Variants in ARHGAP32 observed in about 807,000 individuals in gnomAD.
ARHGAP32 encodes the protein rho GTPase-activating protein 32.
In ARHGAP32, 51 loss-of-function variants were observed where a neutral mutation model predicts 186.5. That is an observed-to-expected ratio of 0.27 (90% CI 0.22 to 0.35). The LOEUF (loss-of-function observed/expected upper bound fraction) is 0.35. ARHGAP32 is among the 10% of genes least tolerant of loss of function. The pLI is 1.00. For synonymous variants in ARHGAP32, 950 were observed against 964.3 expected (o/e 0.99, Z 0.27); for missense variants, 2,186 against 2,623.5 (o/e 0.83, Z 3.64).
intron 11 of ARHGAP32, among the ~76,000 whole-genome samples, chr11:129,038,032 C>T (rs1459811536): frequency 2.6e-5 from 4 of 151,600 alleles, no homozygotes; most frequent in African/African-American, 4.9e-5. Flanking sequence ...ACTCAGGAGG[C>T]GGAGGTTGCA....
At chr11:129,072,318 G>C (rs1436738021) in intron 6 of ARHGAP32, among the ~76,000 whole-genome samples, 1 of 152,068 alleles carries the variant, frequency 6.6e-6, no homozygotes, top group Non-Finnish European at 1.5e-5. Context: ...GTGTTACCAA[G>C]TACCACATGG....
chr11:128,994,049 A>G (rs1446740233), intron 12 of ARHGAP32, among the ~76,000 whole-genome samples: 1 of 152,216 alleles, frequency 6.6e-6, no homozygotes, highest in Non-Finnish European at 1.5e-5. Flanking sequence ...TATCATCCTT[A>G]TGAAGAATGG....
At chr11:129,208,840 G>C (rs570457403) in intron 1 of ARHGAP32, among the ~76,000 whole-genome samples, 101 of 152,064 alleles carry the variant, frequency 6.6e-4, no homozygotes, top group Non-Finnish European at 1.4e-3. Context: ...TGACAAAAAA[G>C]AGTGGAAATT....
intron 11 of ARHGAP32, among the ~76,000 whole-genome samples, chr11:129,011,349 T>A (rs944830660): frequency 6.6e-6 from 1 of 152,200 alleles, no homozygotes; most frequent in Admixed American, 6.5e-5. Context: ...CAAACTCTTA[T>A]CCACTAAATG....
At chr11:129,238,423 A>G (rs770697559) in intron 1 of ARHGAP32, among the ~76,000 whole-genome samples, 15 of 152,084 alleles carry the variant, frequency 9.9e-5, no homozygotes, top group Non-Finnish European at 2.9e-5. Flanking sequence ...AAAATCTACC[A>G]ATGGCCATTT....
intron 11 of ARHGAP32, among the ~76,000 whole-genome samples, 177 bp from the exon 12 acceptor site, chr11:128,998,645 T>C (rs1183114973): frequency 6.6e-6 from 1 of 152,226 alleles, no homozygotes; most frequent in Non-Finnish European, 1.5e-5. Flanking sequence ...ATAAATAACA[T>C]CATAATTTTG....
At chr11:129,070,653 A>C (rs1940838789) in intron 6 of ARHGAP32, among the ~76,000 whole-genome samples, 1 of 152,048 alleles carries the variant, frequency 6.6e-6, no homozygotes, top group South Asian at 2.1e-4. Context: ...TTAAGGGTAA[A>C]TAGGATATTT....
chr11:129,270,271 C>T (rs1945457683), intron 1 of ARHGAP32, among the ~76,000 whole-genome samples: 1 of 152,118 alleles, frequency 6.6e-6, no homozygotes, highest in East Asian at 1.9e-4. Context: ...TCTGAAGAGG[C>T]TACATACTCT....
chr11:129,094,622 T>C (rs1168873999), intron 5 of ARHGAP32, among the ~76,000 whole-genome samples: 6 of 152,194 alleles, frequency 3.9e-5, no homozygotes, highest in African/African-American at 7.2e-5. Flanking sequence ...AGAAAGTTTG[T>C]CACAGAACTG....
upstream of ARHGAP32, among the ~76,000 whole-genome samples, chr11:129,192,470 G>A (rs897293156): frequency 3.3e-5 from 5 of 152,238 alleles, no homozygotes; most frequent in South Asian, 8.3e-4. Context: ...CTAAATGAAG[G>A]TGATTTTTTA....
chr11:129,239,902 C>T (rs1430653716), intron 1 of ARHGAP32, among the ~76,000 whole-genome samples: 1 of 152,144 alleles, frequency 6.6e-6, no homozygotes, highest in African/African-American at 2.4e-5. Flanking sequence ...ACTTTTTGCA[C>T]CAGCAGATCC....
intron 1 of ARHGAP32, among the ~76,000 whole-genome samples, chr11:129,262,717 C>T (rs1945339151): frequency 6.6e-6 from 1 of 152,000 alleles, no homozygotes; most frequent in Admixed American, 6.6e-5. Context: ...ATTTTAAAAC[C>T]ATTTCAAAGT....
chr11:128,998,901 T>A (rs1211168317), intron 11 of ARHGAP32, among the ~76,000 whole-genome samples: 2 of 152,190 alleles, frequency 1.3e-5, no homozygotes, highest in African/African-American at 2.4e-5. Context: ...AATCTCTTAA[T>A]CCCATCATCT....
chr11:129,261,379 A>G (rs1945319183), intron 1 of ARHGAP32, among the ~76,000 whole-genome samples: 2 of 152,206 alleles, frequency 1.3e-5, no homozygotes, highest in Admixed American at 6.5e-5. Context: ...ACTAAAATCC[A>G]TAATCCTGAA....
chr11:129,157,916 G>A (rs1943446969), intron 2 of ARHGAP32, among the ~76,000 whole-genome samples: 1 of 152,166 alleles, frequency 6.6e-6, no homozygotes, highest in Non-Finnish European at 1.5e-5. Flanking sequence ...AGAGTAGGGG[G>A]CCAATATTCA....
chr11:129,263,679 GAAAAGAAAGAGA>G (rs1449081725), intron 1 of ARHGAP32, among the ~76,000 whole-genome samples: 4 of 130,360 alleles, frequency 3.1e-5, no homozygotes, highest in South Asian at 2.3e-4. Flanking sequence ...GGAGGAGGAA[GAAAAGAAAGAGA>G]AAAAGAAAGA....
chr11:129,087,661 T>A (rs111988263), intron 6 of ARHGAP32, among the ~76,000 whole-genome samples: 1 of 152,218 alleles, frequency 6.6e-6, no homozygotes, highest in Non-Finnish European at 1.5e-5. Context: ...ATACTGGTGA[T>A]ACATGTCATT....
At chr11:129,107,868 CAAAAAAAA>C (rs71057924) in intron 5 of ARHGAP32, among the ~76,000 whole-genome samples, 201 of 93,406 alleles carry the variant, frequency 2.2e-3, no homozygotes, top group African/African-American at 3.3e-3. Flanking sequence ...AACTATGTTT[CAAAAAAAA>C]AAAAAAAAAA....
At chr11:129,050,172 T>A (rs541800166) in intron 10 of ARHGAP32, among the ~76,000 whole-genome samples, 2 of 152,242 alleles carry the variant, frequency 1.3e-5, no homozygotes, top group African/African-American at 4.8e-5. Context: ...CAGCACTGTA[T>A]GAGAATTCCA....
Sources: gnomAD v4.1 joint callset for allele counts (sites outside exome capture counted in the v4.1 genomes callset) on GRCh38, gnomAD v4.1.1 for gene constraint, MANE v1.5 for transcripts, NCBI Gene and HGNC (gene_info 2026-07-23, HGNC 2026-07-21) for gene names.